Variants in ABRAXAS1 observed in about 807,000 individuals in gnomAD.
ABRAXAS1 encodes BRCA1-A complex subunit Abraxas 1.
ABRAXAS1 carries 26 observed loss-of-function variants against 38.4 expected under a neutral mutation model. That is an observed-to-expected ratio of 0.68 (90% CI 0.50 to 0.94). The LOEUF is 0.94. Among genes scored for constraint, ABRAXAS1 ranks in the 40% least tolerant of loss-of-function variants. The probability of loss-of-function intolerance (pLI) is 0.00; values close to 1 mark genes in which losing one functional copy is unlikely to be tolerated. For missense variants in ABRAXAS1, 438 were observed against 481.9 expected, an observed-to-expected ratio of 0.91 and a Z score of 0.85; for synonymous variants, 144 against 165.5, an observed-to-expected ratio of 0.87 and a Z score of 1.00.
intron 3 of ABRAXAS1, among the ~76,000 whole-genome samples, chr4:83,474,886 C>G (rs1384641042): frequency 6.6e-6 from 1 of 152,096 alleles, no homozygotes; most frequent in African/African-American, 2.4e-5. Flanking sequence ...TTTGCCCTAC[C>G]ATTAACTAGA....
At chr4:83,483,638 C>A (rs1291962655) in intron 1 of ABRAXAS1, among the ~76,000 whole-genome samples, 1 of 152,046 alleles carries the variant, frequency 6.6e-6, no homozygotes, top group African/African-American at 2.4e-5. Flanking sequence ...TAATGTGAGT[C>A]TTTACTGGAA....
chr4:83,469,204 A>T, intron 5 of ABRAXAS1, 53 bp from the exon 6 acceptor site: 1 of 1,494,984 alleles, frequency 6.7e-7, no homozygotes. Flanking sequence ...AAAGATTAGT[A>T]TCTACCTGCT....
At chr4:83,475,498 C>T (rs758933887) in intron 3 of ABRAXAS1, among the ~76,000 whole-genome samples, 21 of 152,132 alleles carry the variant, frequency 1.4e-4, no homozygotes, top group Non-Finnish European at 2.9e-4. Flanking sequence ...CCAGGTCATG[C>T]AGTGGCATGA....
At position 83,459,641 on chromosome 4, in the gene ABRAXAS1, A is replaced by G. The variant is rs1722002079; in HGVS notation, c.*2828T>C. 1.0e-6 allele frequency: 1 copy of G among 1,003,280 alleles called. No individual in the cohort carries two copies. Among genetic ancestry groups the G allele is most frequent in the Non-Finnish European group, 1.5e-6 (1 of 665,178 alleles). 62.1% of individuals were successfully genotyped at this position (1,003,280 alleles called of 1,614,324 possible). On this transcript the variant is annotated 3_prime_UTR_variant, in exon 9 of 9. Coordinates refer to ENST00000321945, the MANE Select transcript of ABRAXAS1 (RefSeq NM_139076.3). ...TTATGAAATGTGTCTGAAATTTAGTAAAGCTTTATATAACCTGAAGGTTGT... is the reference window on the plus strand; with the variant it reads ...TTATGAAATGTGTCTGAAATTTAGTGAAGCTTTATATAACCTGAAGGTTGT...
intron 2 of ABRAXAS1, chr4:83,477,799 T>TTAAA (rs1560578238): frequency 1.3e-6 from 1 of 771,528 alleles, no homozygotes; most frequent in Non-Finnish European, 2.3e-6. Context: ...AAGCATCATA[T>TTAAA]GGCACCATTA....
intron 7 of ABRAXAS1, among the ~76,000 whole-genome samples, chr4:83,464,279 A>C (rs1157407231): frequency 6.6e-6 from 1 of 152,240 alleles, no homozygotes; most frequent in East Asian, 1.9e-4. Context: ...CAGTAAGTGA[A>C]ACAAAGTGAC....
Position 83,461,868 on chromosome 4 carries a change from T to C in ABRAXAS1, c.*601A>G, listed in dbSNP as rs1722131666. 1 of 228,558 alleles carries C rather than the reference T, an allele frequency of 4.4e-6. No individual in the cohort carries two copies. Among genetic ancestry groups the C allele is most frequent in the Admixed American group, 5.7e-5 (1 of 17,640 alleles). The allele number at this position is 228,558 out of a possible 1,614,324, so 14.2% of individuals were successfully genotyped here. On this transcript the variant is annotated 3_prime_UTR_variant, in exon 9 of 9. Coordinates refer to ENST00000321945, the MANE Select transcript of ABRAXAS1 (RefSeq NM_139076.3). ...AATTAAGGCTGCCAGATTTAGCAAG[T>C]ACAAATGTAGGACAAATTTAAATTT... is the stretch of plus-strand genomic sequence containing the variant.
At chr4:83,472,187 A>G (rs1560575613) in intron 4 of ABRAXAS1, 35 bp downstream of exon 4, 2 of 1,367,644 alleles carry the variant, frequency 1.5e-6, no homozygotes, top group Non-Finnish European at 2.0e-6. Flanking sequence ...CAATGCAAAT[A>G]ATACCAAAAA....
Position 83,462,152 on chromosome 4 carries a change from C to G in ABRAXAS1, c.*317G>C. ...AATCAATCCTCCTGACTTGTCTTCC[C>G]TAAGTGCTGGGATTACAGGTGTGAG... On this transcript the variant is annotated 3_prime_UTR_variant, in exon 9 of 9. Coordinates refer to ENST00000321945, the MANE Select transcript of ABRAXAS1 (RefSeq NM_139076.3). The G allele has an allele frequency of 3.6e-6, 1 of 281,064 alleles. No homozygotes were observed. The highest frequency in any genetic ancestry group is 6.7e-6 in the Non-Finnish European group (1 of 150,340). The allele number at this position is 281,064 out of a possible 1,614,324, so 17.4% of individuals were successfully genotyped here.
At chr4:83,466,127 C>T (rs1022548700) in intron 7 of ABRAXAS1, among the ~76,000 whole-genome samples, 7 of 152,188 alleles carry the variant, frequency 4.6e-5, no homozygotes, top group Non-Finnish European at 7.3e-5. Flanking sequence ...GACTCCCTAT[C>T]AGCCTAGTGG....
chr4:83,470,949 A>T (rs1722559393), intron 4 of ABRAXAS1, among the ~76,000 whole-genome samples: 1 of 152,146 alleles, frequency 6.6e-6, no homozygotes, highest in Non-Finnish European at 1.5e-5. Context: ...ATACTACTAG[A>T]CCTTTTTTTA....
In ABRAXAS1 at chr4:83,463,591, C is replaced by T. The variant is rs1187186600; in HGVS notation, c.699G>A (p.Val233=). Residue 233 remains valine (V), a synonymous_variant, in exon 8 of 9, where the codon GTG becomes GTA. Coordinates refer to ENST00000321945, the MANE Select transcript of ABRAXAS1 (RefSeq NM_139076.3). The part of the protein sequence containing the change: ...QEELKSICKK[V]EDSEQAVDKL... ...TATCTACTGCTTGTTCACTGTCTTC[C>T]ACTTTTTTGCATATACTCTGCAAAA... is the stretch of plus-strand genomic sequence containing the variant. 1.4e-5 allele frequency: 23 copies of T among 1,607,122 alleles called. No homozygotes were observed. Among genetic ancestry groups the T allele is most frequent in the South Asian group, 5.5e-5 (5 of 90,270 alleles).
At chr4:83,480,287 G>A (rs1048888195) in intron 2 of ABRAXAS1, 1 of 358,388 alleles carries the variant, frequency 2.8e-6, no homozygotes, top group Admixed American at 3.6e-5. Flanking sequence ...CAGGAGAATC[G>A]CTTGACCTCG....
At chr4:83,471,445 TG>T (rs1722589815) in intron 4 of ABRAXAS1, among the ~76,000 whole-genome samples, 1 of 151,976 alleles carries the variant, frequency 6.6e-6, no homozygotes, top group Admixed American at 6.6e-5. Flanking sequence ...CCTGACCTCG[TG>T]ATCCGCCCTC....
At position 83,484,018 on chromosome 4, in the gene ABRAXAS1, C is replaced by T. The variant is rs76009998; in HGVS notation, c.87+968G>A. ...AATTCCAACCTTTATTAGGATTGTG[C>T]CAAAGAGCAATTTTGTAATGTTTAG... On this transcript the variant is annotated intron_variant, in intron 1 of 8. Transcript: ENST00000321945. 5,147 of 982,794 alleles carry T rather than the reference C, an allele frequency of 5.2e-3. 195 individuals are homozygous for T. In the African/African-American group the frequency reaches 0.083, roughly 16 times the overall value. 60.9% of individuals were successfully genotyped at this position (982,794 alleles called of 1,614,324 possible). A position where few individuals can be genotyped will look rare whatever the true frequency, so the allele number is the denominator to read the frequency against.
chr4:83,480,265 C>T (rs753167291), intron 2 of ABRAXAS1: 9 of 320,132 alleles, frequency 2.8e-5, no homozygotes, highest in East Asian at 2.5e-4. Context: ...CCAGCTACTC[C>T]GGAGGCCGAG....
chr4:83,466,076 G>A (rs1722341976), intron 7 of ABRAXAS1, among the ~76,000 whole-genome samples: 1 of 152,132 alleles, frequency 6.6e-6, no homozygotes, highest in South Asian at 2.1e-4. Context: ...ATTAGTGCAA[G>A]TCCATGCCTA....
At chr4:83,474,773 G>A (rs530830319) in intron 3 of ABRAXAS1, among the ~76,000 whole-genome samples, 76 of 151,474 alleles carry the variant, frequency 5.0e-4, no homozygotes, top group South Asian at 2.1e-3. Flanking sequence ...AAACTACATC[G>A]TGGGGCTCTA....
At chr4:83,462,949 A>G in intron 8 of ABRAXAS1, 47 bp from the exon 9 acceptor site, 2 of 1,271,116 alleles carry the variant, frequency 1.6e-6, no homozygotes, top group Non-Finnish European at 1.1e-6. Flanking sequence ...TTCTTCTACA[A>G]AGCTTTTATA....
Sources: gnomAD v4.1 joint callset for allele counts (sites outside exome capture counted in the v4.1 genomes callset) on GRCh38, gnomAD v4.1.1 for gene constraint, MANE v1.5 for transcripts, NCBI Gene and HGNC (gene_info 2026-07-23, HGNC 2026-07-21) for gene names.